Variants in XPO1 observed in about 807,000 individuals in gnomAD.
XPO1 encodes the protein exportin-1.
Under a neutral mutation model 133.3 loss-of-function variants are expected in XPO1, and 5 were observed. The ratio of observed to expected loss-of-function variants is 0.04; its 90% confidence interval spans 0.02 to 0.08. The LOEUF is 0.08. XPO1 is among the 10% of genes least tolerant of loss of function. XPO1 has a pLI of 1.00. For missense variants in XPO1, 506 were observed against 1,267.5 expected, an observed-to-expected ratio of 0.40 and a Z score of 9.12; for synonymous variants, 419 against 408.2, an observed-to-expected ratio of 1.03 and a Z score of -0.32.
At chr2:61,536,403 T>C (rs1193561481) in intron 1 of XPO1, 1 of 152,202 alleles carries the variant, frequency 6.6e-6, no homozygotes, top group African/African-American at 2.4e-5. Context: ...GGCTCTTCAA[T>C]CCTAAAATCC....
At chr2:61,482,233 G>A (rs1324388928) in intron 23 of XPO1, 147 bp downstream of exon 23, 13 of 675,096 alleles carry the variant, frequency 1.9e-5, no homozygotes, top group Middle Eastern at 7.8e-4. Flanking sequence ...TTGTAGAGAC[G>A]GGATCTTGTT....
chr2:61,486,056 G>A, intron 19 of XPO1, 94 bp from the exon 20 acceptor site: 7 of 1,162,146 alleles, frequency 6.0e-6, no homozygotes, highest in Non-Finnish European at 7.1e-6. Flanking sequence ...GATGTAGCAT[G>A]ATCATCTACT....
intron 1 of XPO1, chr2:61,536,862 A>G (rs574565580): frequency 6.5e-6 from 1 of 152,748 alleles, no homozygotes; most frequent in East Asian, 1.9e-4. Flanking sequence ...CACCCAACCC[A>G]AACTCACAGA....
chr2:61,478,324 C>T lies in XPO1; in HGVS notation c.*496G>A, dbSNP rs1185521488. On this transcript the variant is annotated 3_prime_UTR_variant, in exon 25 of 25. Coordinates refer to ENST00000401558, the MANE Select transcript of XPO1 (RefSeq NM_003400.4). Reference sequence around the variant, plus strand: ...AAAGAGACTTTGTAATACATGTAGTCTAGACAAACGATTCAGTCCAAGAGG... The same window carrying T: ...AAAGAGACTTTGTAATACATGTAGTTTAGACAAACGATTCAGTCCAAGAGG... 3 of 234,902 alleles carry T rather than the reference C, an allele frequency of 1.3e-5. No individual in the cohort carries two copies. The highest frequency in any genetic ancestry group is 1.7e-5 in the Non-Finnish European group (2 of 118,988). The allele number at this position is 234,902 out of a possible 1,614,324, so 14.6% of individuals were successfully genotyped here. A position where few individuals can be genotyped will look rare whatever the true frequency, so the allele number is the denominator to read the frequency against.
At chr2:61,519,189 T>A (rs1037276511) in intron 4 of XPO1, among the ~76,000 whole-genome samples, 3 of 152,204 alleles carry the variant, frequency 2.0e-5, no homozygotes, top group Admixed American at 2.0e-4. Flanking sequence ...GACCTCGTTA[T>A]CTGCCTGCCT....
Position 61,537,669 on chromosome 2 carries a change from C to G in XPO1, c.-114G>C, listed in dbSNP as rs1449272483. ...TCAAGGTGGGTTTCAGTTTTCCCAC[C>G]TCAAAAAAGGAAATTAAAAAAACGG... On this transcript the variant is annotated 5_prime_UTR_variant, in exon 1 of 25. Transcript: ENST00000401558. 1 of 151,262 alleles carries G rather than the reference C, an allele frequency of 6.6e-6. No individual in the cohort carries two copies. Among genetic ancestry groups the G allele is most frequent in the African/African-American group, 2.4e-5 (1 of 41,066 alleles). The allele number at this position is 151,262 out of a possible 1,614,324, so 9.4% of individuals were successfully genotyped here. A position where few individuals can be genotyped will look rare whatever the true frequency, so the allele number is the denominator to read the frequency against.
chr2:61,488,595 T>C lies in XPO1; in HGVS notation c.2199A>G (p.Gln733=), dbSNP rs1248424220. The change falls in exon 18 of 25, where the codon CAA becomes CAG. Residue 733 remains glutamine (Q), a synonymous_variant. Coordinates refer to ENST00000401558, the MANE Select transcript of XPO1 (RefSeq NM_003400.4). ...CLSENISAAI[Q]ANGEMVTKQP... Reference sequence around the variant, plus strand: ...GAAATCAGAATCACCTACCATTAGCTTGGATAGCTGCAGAAATATTTTCAC... The same window carrying C: ...GAAATCAGAATCACCTACCATTAGCCTGGATAGCTGCAGAAATATTTTCAC... The C allele has an allele frequency of 3.7e-6, 6 of 1,613,570 alleles. No individual in the cohort carries two copies. The South Asian group carries it at 6.6e-5, about 18-fold the overall frequency.
chr2:61,513,684 C>T (rs537282801), intron 4 of XPO1, among the ~76,000 whole-genome samples: 32 of 151,872 alleles, frequency 2.1e-4, no homozygotes, highest in African/African-American at 7.5e-4. Context: ...GAATACAACA[C>T]AAAAAACATC....
In XPO1 at chr2:61,492,774, T is replaced by C. The variant is rs1463644119; in HGVS notation, c.1385-26A>G. 1.2e-6 allele frequency: 2 copies of C among 1,604,296 alleles called. No individual in the cohort carries two copies. The highest frequency in any genetic ancestry group is 1.7e-6 in the Non-Finnish European group (2 of 1,176,892). Reference sequence around the variant, plus strand: ...CTACAAAGAAAAACATGGTTTCAAATGCAAATAATGAGCAGAATTTTATTG... The same window carrying C: ...CTACAAAGAAAAACATGGTTTCAAACGCAAATAATGAGCAGAATTTTATTG... On this transcript the variant is annotated intron_variant, in intron 13 of 24. Coordinates refer to ENST00000401558, the MANE Select transcript of XPO1 (RefSeq NM_003400.4). The surrounding 1 kb of genome is among the most constrained non-coding windows in gnomAD (Gnocchi z 5.6).
chr2:61,510,973 A>G (rs541651795), intron 4 of XPO1, among the ~76,000 whole-genome samples: 5 of 151,830 alleles, frequency 3.3e-5, no homozygotes, highest in East Asian at 3.9e-4. Context: ...ACATGGATGT[A>G]AGCTAGGGAT....
At chr2:61,483,287 TTATAA>T in intron 21 of XPO1, 196 bp from the exon 22 acceptor site, 4 of 528,248 alleles carry the variant, frequency 7.6e-6, no homozygotes, top group Non-Finnish European at 1.3e-5. Flanking sequence ...TACTTATAAA[TTATAA>T]TAAGTTGTGT....
At chr2:61,506,529 C>G (rs1697821880) in intron 4 of XPO1, among the ~76,000 whole-genome samples, 1 of 142,040 alleles carries the variant, frequency 7.0e-6, no homozygotes. Context: ...AACCCAGGAG[C>G]CAGAGGTTGC....
At chr2:61,496,762 T>C (rs986472199) in intron 10 of XPO1, 117 bp downstream of exon 10, 14 of 1,194,124 alleles carry the variant, frequency 1.2e-5, no homozygotes, top group Middle Eastern at 2.8e-4. Context: ...TTTTATGTAA[T>C]AAACAAAAGA....
chr2:61,526,990 G>C (rs939251800), intron 2 of XPO1, among the ~76,000 whole-genome samples: 1 of 152,092 alleles, frequency 6.6e-6, no homozygotes, highest in Admixed American at 6.6e-5. Flanking sequence ...TTATAGGAGT[G>C]AGCCACCATG....
chr2:61,483,871 T>G (rs746759861), intron 21 of XPO1, 66 bp downstream of exon 21: 217 of 1,544,822 alleles, frequency 1.4e-4, no homozygotes, highest in Admixed American at 2.7e-4. Context: ...CCTTCCTATG[T>G]ACAATTAACT....
At position 61,525,395 on chromosome 2, in the gene XPO1, T is replaced by C. The variant is rs180886367; in HGVS notation, c.228+1025A>G. The C allele has an allele frequency of 3.5e-3, 3,521 of 993,502 alleles. 10 individuals are homozygous for C. The highest frequency in any genetic ancestry group is 4.3e-3 in the Admixed American group (71 of 16,478). 61.5% of individuals were successfully genotyped at this position (993,502 alleles called of 1,614,324 possible). On this transcript the variant is annotated intron_variant, in intron 3 of 24. Transcript: ENST00000401558. ...TAATATCAGGTAGTGTTAACATCTTTAAAGAAAAAAAAATGATTGCATAAA... is the reference window on the plus strand; with the variant it reads ...TAATATCAGGTAGTGTTAACATCTTCAAAGAAAAAAAAATGATTGCATAAA...
chr2:61,488,800 A>T (rs1461359435), intron 17 of XPO1, 29 bp from the exon 18 acceptor site: 1 of 1,609,584 alleles, frequency 6.2e-7, no homozygotes, highest in Non-Finnish European at 8.5e-7. Flanking sequence ...AATTCCATTT[A>T]TCATATAAGA....
At chr2:61,479,878 C>T (rs1423821507) in intron 24 of XPO1, among the ~76,000 whole-genome samples, 1 of 150,700 alleles carries the variant, frequency 6.6e-6, no homozygotes, top group African/African-American at 2.4e-5. Flanking sequence ...TTTCTCTTTT[C>T]TTTTGAGAGG....
At chr2:61,503,985 C>A (rs1288765845) in intron 4 of XPO1, among the ~76,000 whole-genome samples, 3 of 152,200 alleles carry the variant, frequency 2.0e-5, no homozygotes, top group African/African-American at 7.2e-5. Context: ...GCGGAGGCTG[C>A]AGTGAACGGA....
Sources: gnomAD v4.1 joint callset for allele counts (sites outside exome capture counted in the v4.1 genomes callset) on GRCh38, gnomAD v4.1.1 for gene constraint, Gnocchi (gnomAD v3.1) non-coding constraint, MANE v1.5 for transcripts, NCBI Gene and HGNC (gene_info 2026-07-23, HGNC 2026-07-21) for gene names.